ANK2: variants seen among roughly 807,000 people sequenced by gnomAD.
ANK2 encodes ankyrin 2, also known as ankyrin-2.
In ANK2, 83 loss-of-function variants were observed where a neutral mutation model predicts 360.5. The ratio of observed to expected loss-of-function variants is 0.23; its 90% CI spans 0.19 to 0.28. The LOEUF (loss-of-function observed/expected upper bound fraction) is 0.28, where lower values mean the gene tolerates loss of function less well. Ranked by LOEUF, ANK2 falls within the 10% of genes least tolerant of loss-of-function variation. ANK2 has a pLI of 1.00. For missense variants in ANK2, 4,201 were observed against 4,795.7 expected, an observed-to-expected ratio of 0.88 and a Z score of 3.66; for synonymous variants, 1,740 against 1,759.5, an observed-to-expected ratio of 0.99 and a Z score of 0.28.
rs1488446208 is a variant in ANK2, at chr4:113,336,621, C to A, written c.3636C>A (p.Asn1212Lys). Residue 1212 changes from asparagine to lysine, a missense_variant, in exon 31 of 46, where the codon AAC (asparagine) becomes AAA (lysine). Transcript: ENST00000357077. ...AGCTGGTTAAGAAGATCCTAGGCAA[C>A]AAAGCTACCTTCAGCCCTATAGTCA... ...HSELVKKILG[N>K]KATFSPIVTL... 1 of 1,614,122 alleles carries A rather than the reference C, an allele frequency of 6.2e-7. No homozygotes were observed. The highest frequency in any genetic ancestry group is 8.5e-7 in the Non-Finnish European group (1 of 1,180,012).
intron 1 of ANK2, among the ~76,000 whole-genome samples, chr4:113,136,313 C>A (rs2096406778): frequency 6.6e-6 from 1 of 152,038 alleles, no homozygotes; most frequent in East Asian, 1.9e-4. Context: ...CTTGCAGATG[C>A]TGAGAGGGAG....
intron 26 of ANK2, chr4:113,323,843 C>G (rs765866416): frequency 6.4e-7 from 1 of 1,557,962 alleles, no homozygotes; most frequent in East Asian, 2.3e-5. Context: ...TATTCCTCTC[C>G]CCCTTTCGCC....
chr4:113,331,850 C>A (rs371892049), intron 27 of ANK2, 122 bp from the exon 28 acceptor site: 2 of 920,842 alleles, frequency 2.2e-6, no homozygotes, highest in Non-Finnish European at 1.8e-6. Context: ...GGGGCAGAAC[C>A]AAACGCAGTG....
At chr4:112,844,812 T>C (rs1011403168) in intron 1 of ANK2, among the ~76,000 whole-genome samples, 3 of 152,196 alleles carry the variant, frequency 2.0e-5, no homozygotes, top group Non-Finnish European at 4.4e-5. Flanking sequence ...GTTATTTGAT[T>C]TTTAGTATCC....
At chr4:113,174,738 A>G (rs1162851995) in intron 2 of ANK2, among the ~76,000 whole-genome samples, 1 of 152,196 alleles carries the variant, frequency 6.6e-6, no homozygotes, top group Non-Finnish European at 1.5e-5. Flanking sequence ...ACAACAACTG[A>G]ATGTCAATTT....
At chr4:112,924,779 A>G (rs1477146332) in intron 2 of ANK2, among the ~76,000 whole-genome samples, 1 of 151,822 alleles carries the variant, frequency 6.6e-6, no homozygotes. Context: ...TTATCTGGAT[A>G]CATATAATTT....
chr4:113,354,549 C>A lies in ANK2; in HGVS notation c.5931C>A (p.Pro1977=). The change falls in exon 38 of 46, where the codon CCC becomes CCA. Residue 1977 remains proline (P), a synonymous_variant. Coordinates refer to ENST00000357077, the MANE Select transcript of ANK2 (RefSeq NM_001148.6). ...GKTEKQPPVS[P]TSKTERIEET... is the part of the protein sequence containing the mutation. ...CAGAAAAGCAACCACCTGTATCCCCCACTTCAAAAACAGAGAGGATTGAGG... is the reference window on the plus strand; with the variant it reads ...CAGAAAAGCAACCACCTGTATCCCCAACTTCAAAAACAGAGAGGATTGAGG... The A allele has an allele frequency of 6.2e-7, 1 of 1,614,090 alleles. No individual in the cohort carries two copies.
chr4:112,770,013 C>G, the ANK2 span, among the ~76,000 whole-genome samples: 14 of 152,274 alleles, frequency 9.2e-5, no homozygotes, highest in Middle Eastern at 3.4e-3. Context: ...ATCACACGAT[C>G]TAATTATTTC....
chr4:113,046,821 C>T (rs562454657), upstream of ANK2, among the ~76,000 whole-genome samples: 1 of 152,290 alleles, frequency 6.6e-6, no homozygotes, highest in African/African-American at 2.4e-5. Flanking sequence ...CAACCATGCA[C>T]TGTATGTTTG....
At chr4:113,261,594 A>T (rs915130177) in intron 13 of ANK2, among the ~76,000 whole-genome samples, 3 of 152,186 alleles carry the variant, frequency 2.0e-5, no homozygotes, top group African/African-American at 7.2e-5. Flanking sequence ...TGGTAATATT[A>T]ACATAAAAGA....
chr4:113,311,953 T>G (rs2080209776), intron 24 of ANK2, among the ~76,000 whole-genome samples: 1 of 152,148 alleles, frequency 6.6e-6, no homozygotes, highest in Admixed American at 6.5e-5. Context: ...GAGCAAAATC[T>G]GAGGGAGCCC....
the ANK2 span, among the ~76,000 whole-genome samples, chr4:112,758,118 C>G: frequency 6.6e-6 from 1 of 151,814 alleles, no homozygotes; most frequent in Admixed American, 6.6e-5. Flanking sequence ...CCATGTTGGT[C>G]ACTCAGGTCC....
intron 2 of ANK2, among the ~76,000 whole-genome samples, chr4:113,003,611 G>A (rs1182248647): frequency 6.6e-6 from 1 of 152,206 alleles, no homozygotes; most frequent in East Asian, 1.9e-4. Flanking sequence ...ATATGATCAA[G>A]GTGACATCCC....
At chr4:113,123,984 A>G (rs2095519544) in intron 1 of ANK2, among the ~76,000 whole-genome samples, 1 of 152,212 alleles carries the variant, frequency 6.6e-6, no homozygotes, top group Non-Finnish European at 1.5e-5. Context: ...AGGAGGAAAC[A>G]AGTGTTTAAG....
chr4:113,247,624 T>C (rs1471921267), intron 9 of ANK2, among the ~76,000 whole-genome samples: 1 of 152,210 alleles, frequency 6.6e-6, no homozygotes, highest in Non-Finnish European at 1.5e-5. Context: ...ATTCCCTCCT[T>C]CATCTTTCAA....
At chr4:113,202,521 A>T (rs149351065) in intron 4 of ANK2, among the ~76,000 whole-genome samples, 1 of 152,252 alleles carries the variant, frequency 6.6e-6, no homozygotes, top group African/African-American at 2.4e-5. Context: ...TGAAATGCAG[A>T]ATAGTCTGAA....
chr4:113,088,193 G>T (rs1561967384), intron 1 of ANK2, among the ~76,000 whole-genome samples: 1 of 152,068 alleles, frequency 6.6e-6, no homozygotes, highest in Admixed American at 6.5e-5. Context: ...TAATGTTATG[G>T]GAACCTCAGG....
the ANK2 span, among the ~76,000 whole-genome samples, chr4:112,771,646 CG>C: frequency 5.3e-5 from 8 of 150,760 alleles, no homozygotes; most frequent in Non-Finnish European, 1.2e-4. Context: ...AGTGCAGTGG[CG>C]TGATCTCAGC....
chr4:113,017,603 T>C (rs563862589), intron 2 of ANK2, among the ~76,000 whole-genome samples: 1 of 152,354 alleles, frequency 6.6e-6, no homozygotes, highest in East Asian at 1.9e-4. Flanking sequence ...GAAACCCATA[T>C]TATTTGGGTT....
Sources: gnomAD v4.1 joint callset for allele counts (sites outside exome capture counted in the v4.1 genomes callset) on GRCh38, gnomAD v4.1.1 for gene constraint, MANE v1.5 for transcripts, NCBI Gene and HGNC (gene_info 2026-07-23, HGNC 2026-07-21) for gene names.